ZNF385C: variants seen among roughly 807,000 people sequenced by gnomAD.
The protein encoded by ZNF385C is zinc finger protein 385C.
Under a neutral mutation model 35.4 loss-of-function variants are expected in ZNF385C, and 28 were observed. That is an observed-to-expected ratio of 0.79 (90% CI 0.59 to 1.08). The LOEUF (loss-of-function observed/expected upper bound fraction) is 1.08. Among genes scored for constraint, ZNF385C ranks in the 50% least tolerant of loss-of-function variants. The probability of loss-of-function intolerance (pLI) is 0.00; values close to 1 mark genes in which losing one functional copy is unlikely to be tolerated. For synonymous variants in ZNF385C, 248 were observed against 248.2 expected, an observed-to-expected ratio of 1.00 and a Z score of 0.01; for missense variants, 605 against 595.6, an observed-to-expected ratio of 1.02 and a Z score of -0.16.
At chr17:42,070,586 C>A (rs531484179) in intron 1 of ZNF385C, among the ~76,000 whole-genome samples, 1 of 152,080 alleles carries the variant, frequency 6.6e-6, no homozygotes, top group Non-Finnish European at 1.5e-5. Flanking sequence ...AACAATCCTG[C>A]GAGGCTTGAC....
intron 1 of ZNF385C, among the ~76,000 whole-genome samples, chr17:42,093,910 T>G (rs1211650750): frequency 5.3e-5 from 8 of 151,814 alleles, no homozygotes; most frequent in Non-Finnish European, 1.0e-4. Context: ...GGACGTGATA[T>G]TCCCTTTCCT....
rs114142808 is a variant in ZNF385C, at chr17:42,095,266, C to T, written c.-3+3144G>A. On this transcript the variant is annotated intron_variant, in intron 1 of 8. Transcript: ENST00000692273. This position sits in a 1 kb window ranked among gnomAD's most constrained non-coding sequence, Gnocchi z 4.4. Reference sequence around the variant, plus strand: ...CCAGGTGCCACAGGGCACTTGACTACAGTCAACACCAGCGTACCATTCATT... The same window carrying T: ...CCAGGTGCCACAGGGCACTTGACTATAGTCAACACCAGCGTACCATTCATT... Among the ~76,000 whole-genome samples the T allele has an allele frequency of 3.9e-3, 601 of 152,318 alleles. 8 individuals are homozygous for T. Among genetic ancestry groups the T allele is most frequent in the African/African-American group, 0.014 (579 of 41,566 alleles).
At chr17:42,066,403 G>T (rs2053547007) in intron 1 of ZNF385C, among the ~76,000 whole-genome samples, 1 of 152,168 alleles carries the variant, frequency 6.6e-6, no homozygotes, top group Admixed American at 6.5e-5. Flanking sequence ...CTTGCAGCTT[G>T]TGAGTGAAGT....
At position 42,026,927 on chromosome 17, in the gene ZNF385C, G is replaced by T; in HGVS notation, c.1482C>A (p.Ala494=). The part of the protein sequence containing the change: ...FRTPAGAVRP[A]TGPIVLAPY ...AAGGGGCAAGGACGATAGGTCCTGT[G>T]GCAGGGCGGACAGCTCCTGCTGGGG... Residue 494 remains alanine (A), a synonymous_variant, in exon 9 of 9, where the codon GCC becomes GCA. Coordinates refer to ENST00000692273, the MANE Select transcript of ZNF385C (RefSeq NM_001392013.1). 6.2e-7 allele frequency: 1 copy of T among 1,605,340 alleles called. No individual in the cohort carries two copies. The highest frequency in any genetic ancestry group is 1.7e-5 in the Admixed American group (1 of 57,816).
At chr17:42,030,349 G>A (rs1224021968) in intron 5 of ZNF385C, among the ~76,000 whole-genome samples, 1 of 152,204 alleles carries the variant, frequency 6.6e-6, no homozygotes, top group East Asian at 1.9e-4. Context: ...TTAGCTGGAC[G>A]TGGTGGCAGG....
chr17:42,053,118 A>T (rs1219376061), intron 2 of ZNF385C, among the ~76,000 whole-genome samples: 1 of 152,202 alleles, frequency 6.6e-6, no homozygotes, highest in Non-Finnish European at 1.5e-5. Context: ...CTTCTGGGTC[A>T]TCTAGCACTC....
chr17:42,027,554 G>GCCCCCCCCCCCCCC, intron 8 of ZNF385C, 64 bp downstream of exon 8: 1 of 556,882 alleles, frequency 1.8e-6, no homozygotes, highest in Non-Finnish European at 3.3e-6. Flanking sequence ...CCCCCATCTG[G>GCCCCCCCCCCCCCC]CCCTCCCAGC....
chr17:42,067,110 G>A (rs1235106885), intron 1 of ZNF385C, among the ~76,000 whole-genome samples: 1 of 151,640 alleles, frequency 6.6e-6, no homozygotes, highest in African/African-American at 2.4e-5. Context: ...TTGCTCTGTT[G>A]CCCAGGCTGA....
At chr17:42,035,445 A>C (rs562812901) in intron 3 of ZNF385C, among the ~76,000 whole-genome samples, 1 of 151,512 alleles carries the variant, frequency 6.6e-6, no homozygotes, top group Admixed American at 6.6e-5. Flanking sequence ...TTCCTCTCCC[A>C]TCACCCAGGC....
chr17:42,035,118 CAAA>C lies in ZNF385C; in HGVS notation c.400-786_400-784del, dbSNP rs1239388932. 4.9e-5 allele frequency among the ~76,000 whole-genome samples: 4 copies of C among 81,506 alleles called. No individual in the cohort carries two copies. The Middle Eastern group carries it at 0.033, about 664-fold the overall frequency. 53.5% of individuals were successfully genotyped at this position (81,506 alleles called of 152,430 possible). The stretch of plus-strand genomic sequence containing the variant: ...TGGGCAACAGAGTGAGACTCTGTCT[CAAA>C]AAAAAAAAAAAAAAAAAAGAGAAGA... On this transcript the variant is annotated intron_variant, in intron 3 of 8. Transcript: ENST00000692273.
chr17:42,079,361 G>C (rs1250828936), intron 1 of ZNF385C, among the ~76,000 whole-genome samples: 1 of 143,334 alleles, frequency 7.0e-6, no homozygotes, highest in Non-Finnish European at 1.5e-5. Flanking sequence ...CTCCAGCCTG[G>C]GTGACAGTGA....
intron 2 of ZNF385C, among the ~76,000 whole-genome samples, chr17:42,049,950 A>G (rs1402315594): frequency 6.6e-6 from 1 of 152,258 alleles, no homozygotes; most frequent in East Asian, 1.9e-4. Context: ...GCACATTTAC[A>G]TCATCCCAGA....
chr17:42,052,941 A>G (rs186587891), intron 2 of ZNF385C, among the ~76,000 whole-genome samples: 1 of 152,316 alleles, frequency 6.6e-6, no homozygotes, highest in Admixed American at 6.5e-5. Context: ...AAATAATGAC[A>G]CTGCCATTTC....
At chr17:42,091,625 C>T (rs1185925961) in intron 1 of ZNF385C, among the ~76,000 whole-genome samples, 1 of 152,198 alleles carries the variant, frequency 6.6e-6, no homozygotes, top group Non-Finnish European at 1.5e-5. Context: ...TTTGGGGAAA[C>T]TTCCTGATCC....
intron 1 of ZNF385C, among the ~76,000 whole-genome samples, chr17:42,096,199 T>C (rs2053915671): frequency 6.6e-6 from 1 of 152,082 alleles, no homozygotes; most frequent in Non-Finnish European, 1.5e-5. Flanking sequence ...CCCCTGCAAA[T>C]AGCTGTCCCT....
chr17:42,066,708 TTAAGA>T (rs1480099485), intron 1 of ZNF385C, among the ~76,000 whole-genome samples: 1 of 152,142 alleles, frequency 6.6e-6, no homozygotes, highest in Admixed American at 6.5e-5. Flanking sequence ...GCAGATGCTA[TTAAGA>T]TAAGGCCAGA....
At chr17:42,027,551 C>CAAAG in intron 8 of ZNF385C, 67 bp downstream of exon 8, 3 of 525,326 alleles carry the variant, frequency 5.7e-6, no homozygotes, top group Non-Finnish European at 1.0e-5. Flanking sequence ...GCCCCCCCAT[C>CAAAG]TGGCCCTCCC....
At chr17:42,094,368 G>T (rs546284938) in intron 1 of ZNF385C, among the ~76,000 whole-genome samples, 1 of 152,346 alleles carries the variant, frequency 6.6e-6, no homozygotes, top group African/African-American at 2.4e-5. Context: ...TACATGTCCA[G>T]ACTGACAGGC....
intron 3 of ZNF385C, among the ~76,000 whole-genome samples, chr17:42,037,444 A>G (rs2052884480): frequency 6.6e-6 from 1 of 151,970 alleles, no homozygotes; most frequent in South Asian, 2.1e-4. Context: ...GCGCCTACAC[A>G]GAAGCTTAAG....
Sources: gnomAD v4.1 joint callset for allele counts (sites outside exome capture counted in the v4.1 genomes callset) on GRCh38, gnomAD v4.1.1 for gene constraint, Gnocchi (gnomAD v3.1) non-coding constraint, MANE v1.5 for transcripts, NCBI Gene and HGNC (gene_info 2026-07-23, HGNC 2026-07-21) for gene names.